FHIP2B: variants seen among roughly 807,000 people sequenced by gnomAD.
The protein encoded by FHIP2B is FHF complex subunit HOOK-interacting protein 2B.
A neutral mutation model predicts 84.0 loss-of-function variants in FHIP2B; 72 were observed. The observed-to-expected ratio is 0.86, with a 90% confidence interval of 0.71 to 1.04. FHIP2B has a LOEUF of 1.04. Ranked by LOEUF, FHIP2B falls within the 50% of genes least tolerant of loss-of-function variation. The pLI, the probability that FHIP2B is intolerant of heterozygous loss-of-function variation, is 0.00. For synonymous variants in FHIP2B, 497 were observed against 418.7 expected (o/e 1.19, Z -2.28); for missense variants, 972 against 968.9 (o/e 1.00, Z -0.04).
In FHIP2B at chr8:22,100,952, A is replaced by C. The variant is rs1266241058; in HGVS notation, c.1596A>C (p.Ala532=). ...CTACCAGTTACGATGGCAAAACAGCAGTGACCGAGATCGTCAACAGGTGGG... is the reference window on the plus strand; with the variant it reads ...CTACCAGTTACGATGGCAAAACAGCCGTGACCGAGATCGTCAACAGGTGGG... The part of the protein sequence containing the change: ...APATSYDGKT[A]VTEIVNSFLC... Residue 532 remains alanine (A), a synonymous_variant, in exon 12 of 17, where the codon GCA becomes GCC. Coordinates refer to ENST00000289921, the MANE Select transcript of FHIP2B (RefSeq NM_022749.7). The C allele has an allele frequency of 6.2e-7, 1 of 1,613,784 alleles. No homozygotes were observed. Among genetic ancestry groups the C allele is most frequent in the Non-Finnish European group, 8.5e-7 (1 of 1,179,892 alleles).
intron 3 of FHIP2B, chr8:22,097,135 A>G (rs1825814430): frequency 6.9e-6 from 2 of 290,168 alleles, no homozygotes; most frequent in Non-Finnish European, 1.3e-5. Flanking sequence ...CATGGAGCAC[A>G]GTGATGCAGG....
In FHIP2B at chr8:22,098,523, G is replaced by A. The variant is rs1227336129; in HGVS notation, c.869G>A (p.Cys290Tyr). 6.2e-7 allele frequency: 1 copy of A among 1,613,238 alleles called. No homozygotes were observed. Among genetic ancestry groups the A allele is most frequent in the East Asian group, 2.2e-5 (1 of 44,854 alleles). The stretch of plus-strand genomic sequence containing the variant: ...TACCTGGTACAGAGCAGCGCCTGCT[G>A]CCCTGCGATCGTCCGGCACCTTTGC... The part of the protein sequence containing the change: ...ATYLVQSSAC[C>Y]PAIVRHLCQL... Residue 290 changes from cysteine (C) to tyrosine (Y), a missense_variant, in exon 7 of 17, where the codon TGC (cysteine) becomes TAC (tyrosine). By Grantham distance (194) the Cys-to-Tyr change is radical (BLOSUM62 -2). Coordinates refer to ENST00000289921, the MANE Select transcript of FHIP2B (RefSeq NM_022749.7).
rs372987990 is a variant in FHIP2B, at chr8:22,101,697, G to A, written c.1708-11G>A. ...CCAGGCCCACTGCCTCTACTTTCCC[G>A]CCTGTCTCAGTTCCAGGAGTGCAGC... On this transcript the variant is annotated splice_polypyrimidine_tract_variant and intron_variant, in intron 13 of 16. Transcript: ENST00000289921. The A allele has an allele frequency of 9.4e-5, 150 of 1,602,948 alleles. No individual in the cohort carries two copies. Among genetic ancestry groups the A allele is most frequent in the South Asian group, 1.9e-4 (17 of 89,784 alleles).
chr8:22,092,560 A>G (rs1825546569), intron 1 of FHIP2B, among the ~76,000 whole-genome samples: 2 of 108,250 alleles, frequency 1.8e-5, no homozygotes, highest in Admixed American at 1.2e-4. Context: ...AGTGACGGTG[A>G]GACTCTTTTT....
chr8:22,101,600 C>T lies in FHIP2B; in HGVS notation c.1707+70C>T, dbSNP rs551590670. 100 of 1,562,004 alleles carry T rather than the reference C, an allele frequency of 6.4e-5. No individual in the cohort carries two copies. The Admixed American group carries it at 7.4e-4, about 11-fold the overall frequency. On this transcript the variant is annotated intron_variant, in intron 13 of 16. Transcript: ENST00000289921. ...CAGCTGGGTCATAAGCTCTGGGTTCCGCCTCTCTCATCTGCCCAAGGACCC... is the reference window on the plus strand; with the variant it reads ...CAGCTGGGTCATAAGCTCTGGGTTCTGCCTCTCTCATCTGCCCAAGGACCC...
intron 5 of FHIP2B, 39 bp from the exon 6 acceptor site, chr8:22,098,029 G>A (rs1478880873): frequency 6.4e-7 from 1 of 1,551,512 alleles, no homozygotes; most frequent in Non-Finnish European, 8.7e-7. Flanking sequence ...CTGGGAAGTG[G>A]TCCCCACCAG....
At chr8:22,101,334 C>G in intron 12 of FHIP2B, 106 bp from the exon 13 acceptor site, 1 of 1,002,610 alleles carries the variant, frequency 1.0e-6, no homozygotes, top group Non-Finnish European at 1.5e-6. Context: ...GAGTTTTACT[C>G]TTTGGCCACA....
In FHIP2B at chr8:22,101,696, C is replaced by A. The variant is rs765499955; in HGVS notation, c.1708-12C>A. ...CCCAGGCCCACTGCCTCTACTTTCCCGCCTGTCTCAGTTCCAGGAGTGCAG... is the reference window on the plus strand; with the variant it reads ...CCCAGGCCCACTGCCTCTACTTTCCAGCCTGTCTCAGTTCCAGGAGTGCAG... On this transcript the variant is annotated splice_polypyrimidine_tract_variant and intron_variant, in intron 13 of 16. Transcript: ENST00000289921. 1.9e-6 allele frequency: 3 copies of A among 1,602,522 alleles called. No individual in the cohort carries two copies. The highest frequency in any genetic ancestry group is 1.1e-5 in the South Asian group (1 of 89,672).
chr8:22,095,274 G>T (rs962107317), intron 2 of FHIP2B: 11 of 152,336 alleles, frequency 7.2e-5, no homozygotes. Context: ...CCCTCTGAGG[G>T]TTCTGCTAGA....
Position 22,099,359 on chromosome 8 carries a change from G to T in FHIP2B, c.1150G>T (p.Val384Leu), listed in dbSNP as rs376572772. ...GACCCTGCAGCCCCAGCTCCTGCAC[G>T]TGTAAGTGTCTAGTTCCCTCAGGCA... ...VETLQPQLLHVSEQSILTSTA... is the reference protein window; with the variant it reads ...VETLQPQLLHLSEQSILTSTA... Residue 384 changes from valine (V) to leucine (L), a missense_variant and splice_region_variant, in exon 9 of 17, where the codon GTG becomes TTG. Physicochemically the swap from Val to Leu is conservative, Grantham distance 32. Transcript: ENST00000289921. 1.2e-6 allele frequency: 2 copies of T among 1,613,154 alleles called. No individual in the cohort carries two copies. The highest frequency in any genetic ancestry group is 1.7e-6 in the Non-Finnish European group (2 of 1,179,546).
chr8:22,089,473 C>G (rs1027696675), intron 1 of FHIP2B, among the ~76,000 whole-genome samples, 175 bp downstream of exon 1: 5 of 151,588 alleles, frequency 3.3e-5, no homozygotes, highest in African/African-American at 1.2e-4. Context: ...CCCGCTTCCC[C>G]TCGCTCTTCC....
rs1422278578 is a variant in FHIP2B, at chr8:22,097,537, C to T, written c.319C>T (p.Gln107Ter). ...KAEYPPGMRQ[Q>*]VFQFFSKVLA... ...TCAGTACCCCCCAGGCATGCGGCAG[C>T]AGGTGTTCCAGTTCTTCAGCAAGGT... is the stretch of plus-strand genomic sequence containing the variant. The change falls in exon 4 of 17, where the codon CAG (glutamine) becomes TAG (stop). Residue 107 changes from glutamine to a stop codon, truncating the protein, a stop_gained. Transcript: ENST00000289921. LOFTEE classifies it high-confidence loss of function. 2 of 1,608,540 alleles carry T rather than the reference C, an allele frequency of 1.2e-6. No homozygotes were observed. The highest frequency in any genetic ancestry group is 1.1e-5 in the South Asian group (1 of 89,854).
At chr8:22,098,371 GT>G in intron 6 of FHIP2B, 51 bp from the exon 7 acceptor site, 1 of 1,540,290 alleles carries the variant, frequency 6.5e-7, no homozygotes. Flanking sequence ...CGGCTGGGGG[GT>G]GATTTGGGGG....
chr8:22,098,923 A>G (rs1239152916), intron 7 of FHIP2B, 25 bp from the exon 8 acceptor site: 2 of 1,564,186 alleles, frequency 1.3e-6, no homozygotes, highest in East Asian at 4.6e-5. Context: ...CCACTCTCTG[A>G]GACTTCACTC....
chr8:22,092,715 C>G (rs1298268911), intron 1 of FHIP2B, among the ~76,000 whole-genome samples: 1 of 152,186 alleles, frequency 6.6e-6, no homozygotes, highest in African/African-American at 2.4e-5. Context: ...CCCAGGCACA[C>G]TTTGCAGAGT....
In FHIP2B at chr8:22,089,306, C is replaced by CGGCAG; in HGVS notation, c.45+12_45+16dup. ...CAGGAAGCCGTGGGGGCGGTGAGGC[C>CGGCAG]GGCAGGGCCGGGCCGGGCCGCCGGG... is the stretch of plus-strand genomic sequence containing the variant. On this transcript the variant is annotated intron_variant, in intron 1 of 16. Coordinates refer to ENST00000289921, the MANE Select transcript of FHIP2B (RefSeq NM_022749.7). 3 of 1,020,872 alleles carry CGGCAG rather than the reference C, an allele frequency of 2.9e-6. No individual in the cohort carries two copies. The South Asian group carries it at 1.3e-4, about 45-fold the overall frequency. The allele number at this position is 1,020,872 out of a possible 1,614,324, so 63.2% of individuals were successfully genotyped here. A position where few individuals can be genotyped will look rare whatever the true frequency, so the allele number is the denominator to read the frequency against.
At position 22,103,894 on chromosome 8, in the gene FHIP2B, C is replaced by T. The variant is rs77995484; in HGVS notation, c.*963C>T. ...TGGTGGTGTTCTCCCTGCATGCCCT[C>T]CGTGGCTGGGCTGCCACCCCACCCG... On this transcript the variant is annotated 3_prime_UTR_variant, in exon 17 of 17. Coordinates refer to ENST00000289921, the MANE Select transcript of FHIP2B (RefSeq NM_022749.7). The T allele has an allele frequency of 0.012, 1,767 of 152,814 alleles. 7 individuals carry two copies. The highest frequency in any genetic ancestry group is 0.013 in the Non-Finnish European group (908 of 68,106). 9.5% of individuals were successfully genotyped at this position (152,814 alleles called of 1,614,324 possible).
rs571670103 is a variant in FHIP2B, at chr8:22,097,382, C to A, written c.298-134C>A. The A allele has an allele frequency of 5.0e-6, 3 of 606,012 alleles. No homozygotes were observed. In the South Asian group the frequency reaches 5.9e-5, roughly 12 times the overall value. 37.5% of individuals were successfully genotyped at this position (606,012 alleles called of 1,614,324 possible). ...GCTCTGACAGGCGCTCTGTCCCTGG[C>A]CTCAGTACCCCCCAGGCATGCGGCA... On this transcript the variant is annotated intron_variant, in intron 3 of 16. Coordinates refer to ENST00000289921, the MANE Select transcript of FHIP2B (RefSeq NM_022749.7).
intron 2 of FHIP2B, 138 bp downstream of exon 2, chr8:22,094,656 G>C (rs1443874135): frequency 6.6e-7 from 1 of 1,512,366 alleles, no homozygotes; most frequent in Non-Finnish European, 8.8e-7. Context: ...CACGGAGACA[G>C]AGAACCAGAC....
Sources: allele counts gnomAD v4.1 joint callset (sites outside exome capture counted in the v4.1 genomes callset), GRCh38; gene constraint gnomAD v4.1.1; transcripts MANE v1.5; gene names NCBI Gene and HGNC (gene_info 2026-07-23, HGNC 2026-07-21).